GSAP: variants seen among roughly 807,000 people sequenced by gnomAD.
GSAP encodes the protein gamma-secretase-activating protein.
GSAP carries 118 observed loss-of-function variants against 131.7 expected under a neutral mutation model. The observed-to-expected ratio is 0.90, with a 90% confidence interval of 0.77 to 1.04. The LOEUF (loss-of-function observed/expected upper bound fraction) is 1.04, where lower values mean the gene tolerates loss of function less well. GSAP is among the 50% of genes least tolerant of loss of function. The pLI is 0.00. For missense variants in GSAP, 1,019 were observed against 1,013.2 expected (o/e 1.01, Z -0.08); for synonymous variants, 381 against 363.4 (o/e 1.05, Z -0.55).
chr7:77,355,022 A>C (rs1380423911), intron 16 of GSAP, among the ~76,000 whole-genome samples, 191 bp downstream of exon 16: 1 of 152,206 alleles, frequency 6.6e-6, no homozygotes, highest in Non-Finnish European at 1.5e-5. Context: ...AAAGAACAGA[A>C]ACACCCTGAG....
chr7:77,311,669 T>C lies in GSAP; in HGVS notation c.2473+172A>G, dbSNP rs189464890. 704 of 590,922 alleles carry C rather than the reference T, an allele frequency of 1.2e-3. 2 individuals are homozygous for C. Among genetic ancestry groups the C allele is most frequent in the African/African-American group, 0.011 (581 of 53,998 alleles). 36.6% of individuals were successfully genotyped at this position (590,922 alleles called of 1,614,324 possible). A position where few individuals can be genotyped will look rare whatever the true frequency, so the allele number is the denominator to read the frequency against. On this transcript the variant is annotated intron_variant, in intron 30 of 30. Coordinates refer to ENST00000257626, the MANE Select transcript of GSAP (RefSeq NM_017439.4). Reference sequence around the variant, plus strand: ...TCTTTTAAAACTTCAGAGGTGATTATTTGGTAATTTACTCTAGGTAGTAAA... The same window carrying C: ...TCTTTTAAAACTTCAGAGGTGATTACTTGGTAATTTACTCTAGGTAGTAAA...
chr7:77,415,833 T>C (rs1307039819), intron 1 of GSAP: 1 of 202,192 alleles, frequency 4.9e-6, no homozygotes, highest in East Asian at 1.1e-4. Flanking sequence ...GCAAAGCCCC[T>C]GCGCTGCCGA....
intron 17 of GSAP, 35 bp downstream of exon 17, chr7:77,353,537 T>C (rs750243609): frequency 7.0e-7 from 1 of 1,425,310 alleles, no homozygotes; most frequent in Admixed American, 1.7e-5. Context: ...AAAGGTCAAG[T>C]ATTCAACTTA....
At chr7:77,378,514 A>C (rs1400042188) in intron 8 of GSAP, among the ~76,000 whole-genome samples, 1 of 149,398 alleles carries the variant, frequency 6.7e-6, no homozygotes, top group Admixed American at 6.7e-5. Context: ...ACAAAACAAA[A>C]AACAACAAAA....
intron 12 of GSAP, among the ~76,000 whole-genome samples, chr7:77,370,863 A>G (rs1005227437): frequency 4.6e-5 from 7 of 152,136 alleles, no homozygotes; most frequent in Non-Finnish European, 1.0e-4. Flanking sequence ...TAATTCAGTC[A>G]TTTCTTTGTG....
intron 12 of GSAP, among the ~76,000 whole-genome samples, chr7:77,371,088 T>C (rs1181864937): frequency 6.6e-6 from 1 of 151,894 alleles, no homozygotes; most frequent in Non-Finnish European, 1.5e-5. Context: ...ACTTCCAGAT[T>C]TATTCATTGC....
intron 19 of GSAP, among the ~76,000 whole-genome samples, chr7:77,348,911 C>G (rs547330066): frequency 2.0e-5 from 3 of 152,282 alleles, no homozygotes; most frequent in Admixed American, 6.5e-5. Context: ...GCCCACATTA[C>G]TTAATGGTTT....
At chr7:77,413,643 C>A (rs1340933544) in intron 1 of GSAP, among the ~76,000 whole-genome samples, 2 of 152,132 alleles carry the variant, frequency 1.3e-5, no homozygotes, top group African/African-American at 4.8e-5. Context: ...AGTTCACAGG[C>A]AAGCAAAATG....
intron 19 of GSAP, among the ~76,000 whole-genome samples, chr7:77,344,738 CCTATT>C (rs749743102): frequency 6.6e-6 from 1 of 152,096 alleles, no homozygotes; most frequent in Non-Finnish European, 1.5e-5. Context: ...CTGACGAAGT[CCTATT>C]CTTTACTTTT....
intron 5 of GSAP, among the ~76,000 whole-genome samples, chr7:77,390,814 T>C (rs1799347300): frequency 6.6e-6 from 1 of 150,566 alleles, no homozygotes; most frequent in Non-Finnish European, 1.5e-5. Flanking sequence ...CTGGGCATGG[T>C]GGCACACGCC....
chr7:77,395,953 A>ATT (rs1305176755), intron 5 of GSAP, among the ~76,000 whole-genome samples: 1 of 152,228 alleles, frequency 6.6e-6, no homozygotes. Context: ...ACAAATGGTA[A>ATT]TCACAGGCTG....
Position 77,377,400 on chromosome 7 carries a change from CAAAAAAAAAA to C in GSAP, c.577-20_577-11del. 29 of 1,182,830 alleles carry C rather than the reference CAAAAAAAAAA, an allele frequency of 2.5e-5. No homozygotes were observed. The highest frequency in any genetic ancestry group is 1.1e-4 in the South Asian group (6 of 55,346). The allele number at this position is 1,182,830 out of a possible 1,614,324, so 73.3% of individuals were successfully genotyped here. On this transcript the variant is annotated splice_polypyrimidine_tract_variant and intron_variant, in intron 8 of 30. Coordinates refer to ENST00000257626, the MANE Select transcript of GSAP (RefSeq NM_017439.4). Reference sequence around the variant, plus strand: ...CAGAATTTTTAATCACCTAAAAATGCAAAAAAAAAAAAAAAAAAAAAAGTATGAATAACTT... The same window carrying C: ...CAGAATTTTTAATCACCTAAAAATGCAAAAAAAAAAAAGTATGAATAACTT...
At chr7:77,311,975 C>A in intron 29 of GSAP, 35 bp from the exon 30 acceptor site, 1 of 1,295,334 alleles carries the variant, frequency 7.7e-7, no homozygotes, top group South Asian at 1.2e-5. Context: ...TAAGCTGATT[C>A]TCCACAATAA....
intron 16 of GSAP, among the ~76,000 whole-genome samples, chr7:77,354,495 TC>T (rs1001018166): frequency 3.3e-5 from 5 of 152,244 alleles, no homozygotes; most frequent in African/African-American, 1.2e-4. Context: ...AATTACTATA[TC>T]CTTAGAAATA....
intron 5 of GSAP, among the ~76,000 whole-genome samples, chr7:77,392,171 G>A (rs1040061729): frequency 6.6e-6 from 1 of 151,252 alleles, no homozygotes; most frequent in Non-Finnish European, 1.5e-5. Flanking sequence ...ACAGTGAGCC[G>A]AGACCACACC....
Position 77,351,063 on chromosome 7 carries a change from G to A in GSAP, c.1492-1659C>T, listed in dbSNP as rs62476188. On this transcript the variant is annotated intron_variant, in intron 18 of 30. Transcript: ENST00000257626. ...ATTGATATTTGTCTATAATTTAAAT[G>A]ACCGAGATTTTACTGATATAGAATA... 2.4e-4 allele frequency: 214 copies of A among 902,658 alleles called. 2 individuals are homozygous for A. Among genetic ancestry groups the A allele is most frequent in the Non-Finnish European group, 2.7e-4 (203 of 754,660 alleles). The allele number at this position is 902,658 out of a possible 1,614,324, so 55.9% of individuals were successfully genotyped here. A position where few individuals can be genotyped will look rare whatever the true frequency, so the allele number is the denominator to read the frequency against.
intron 19 of GSAP, among the ~76,000 whole-genome samples, chr7:77,336,693 G>C (rs1790029589): frequency 6.6e-6 from 1 of 152,066 alleles, no homozygotes; most frequent in Non-Finnish European, 1.5e-5. Context: ...TCACCATGTT[G>C]GCCAAGCTAG....
chr7:77,362,617 T>C lies in GSAP; in HGVS notation c.915A>G (p.Gly305=). Residue 305 remains glycine (G), a synonymous_variant, in exon 13 of 31, where the codon GGA becomes GGG. Coordinates refer to ENST00000257626, the MANE Select transcript of GSAP (RefSeq NM_017439.4). Reference sequence around the variant, plus strand: ...TGTAAAACACTGAATATGTGATTTGTCCCCAAGAGGCACACTTCGGGCTGT... The same window carrying C: ...TGTAAAACACTGAATATGTGATTTGCCCCCAAGAGGCACACTTCGGGCTGT... The part of the protein sequence containing the change: ...VCYSPKCASW[G]QITYSVFYIH... 1.3e-6 allele frequency: 2 copies of C among 1,585,514 alleles called. No individual in the cohort carries two copies. Among genetic ancestry groups the C allele is most frequent in the Non-Finnish European group, 1.7e-6 (2 of 1,154,696 alleles).
At chr7:77,353,802 A>G (rs1793253763) in intron 16 of GSAP, 161 bp from the exon 17 acceptor site, 3 of 506,970 alleles carry the variant, frequency 5.9e-6, no homozygotes, top group Non-Finnish European at 1.0e-5. Context: ...ACATAATGCA[A>G]TTCTGGGTAG....
Sources: allele counts gnomAD v4.1 joint callset (sites outside exome capture counted in the v4.1 genomes callset), GRCh38; gene constraint gnomAD v4.1.1; transcripts MANE v1.5; gene names NCBI Gene and HGNC (gene_info 2026-07-23, HGNC 2026-07-21).